Variants in IL1RAPL1 observed in about 807,000 individuals in gnomAD.
IL1RAPL1 encodes the protein interleukin 1 receptor accessory protein like 1.
IL1RAPL1 carries 3 observed loss-of-function variants against 48.4 expected under a neutral mutation model. The observed-to-expected ratio is 0.06, with a 90% CI of 0.03 to 0.16. The LOEUF (loss-of-function observed/expected upper bound fraction) is 0.16. Ranked by LOEUF, IL1RAPL1 falls within the 10% of genes least tolerant of loss-of-function variation. The pLI is 1.00. For missense variants in IL1RAPL1, 349 were observed against 530.6 expected, an observed-to-expected ratio of 0.66 and a Z score of 3.36; for synonymous variants, 185 against 187.7, an observed-to-expected ratio of 0.99 and a Z score of 0.12.
intron 2 of IL1RAPL1, among the ~76,000 whole-genome samples, chrX:29,200,790 C>G (rs970149701): frequency 2.7e-5 from 3 of 111,460 alleles, no homozygotes; most frequent in African/African-American, 9.8e-5. Context: ...AGTTTACAGG[C>G]CATGTATTAC....
intron 2 of IL1RAPL1, among the ~76,000 whole-genome samples, chrX:29,279,017 A>G (rs1386584725): frequency 8.9e-6 from 1 of 112,614 alleles, no homozygotes; most frequent in Admixed American, 9.4e-5. Flanking sequence ...TGTGAGAGAG[A>G]ACATGTGTGC....
At chrX:28,836,978 C>T (rs1043693510) in intron 2 of IL1RAPL1, among the ~76,000 whole-genome samples, 1 of 109,230 alleles carries the variant, frequency 9.2e-6, no homozygotes, top group African/African-American at 3.3e-5. Flanking sequence ...TGAAAAAAAA[C>T]GAGAGACCAA....
rs112874162 is a variant in IL1RAPL1 at position 29,617,945 on chromosome X, A to G, written c.704-50485A>G. 6.4e-3 allele frequency among the ~76,000 whole-genome samples: 719 copies of G among 111,738 alleles called. 3 individuals are homozygous for G. The highest frequency in any genetic ancestry group is 0.022 in the African/African-American group (675 of 30,742). On this transcript the variant is annotated intron_variant, in intron 5 of 10. Coordinates refer to ENST00000378993, the MANE Select transcript of IL1RAPL1 (RefSeq NM_014271.4). ...CTGCTGCTGGTTCAGCGGCACTGCA[A>G]ACTACAGATTATGCAAATTACATAA... is the stretch of plus-strand genomic sequence containing the variant.
chrX:28,962,882 A>ATGTGTGTG (rs56826606), intron 2 of IL1RAPL1, among the ~76,000 whole-genome samples: 18 of 96,010 alleles, frequency 1.9e-4, no homozygotes, highest in African/African-American at 6.4e-4. Context: ...GTCTGTGTGT[A>ATGTGTGTG]TGTGTGTGTG....
At chrX:29,517,403 A>G (rs183662575) in intron 5 of IL1RAPL1, among the ~76,000 whole-genome samples, 39 of 110,820 alleles carry the variant, frequency 3.5e-4, no homozygotes, top group African/African-American at 1.2e-3. Flanking sequence ...ATCGACCTAA[A>G]CATGCATAAA....
intron 2 of IL1RAPL1, among the ~76,000 whole-genome samples, chrX:29,251,937 A>G (rs1931626964): frequency 9.0e-6 from 1 of 111,234 alleles, no homozygotes; most frequent in South Asian, 3.7e-4. Context: ...ATGCAGCCAT[A>G]AAAACTGATG....
At chrX:29,230,521 A>AAAAAAAAAAAAAAAAAC (rs1931177524) in intron 2 of IL1RAPL1, among the ~76,000 whole-genome samples, 1 of 96,886 alleles carries the variant, frequency 1.0e-5, no homozygotes, top group African/African-American at 3.8e-5. Context: ...AAAAAAAAAA[A>AAAAAAAAAAAAAAAAAC]AAAAAAAAAA....
chrX:29,792,970 C>T (rs1256052018), intron 6 of IL1RAPL1, among the ~76,000 whole-genome samples: 2 of 111,459 alleles, frequency 1.8e-5, no homozygotes, highest in African/African-American at 3.3e-5. Context: ...TTAGATTGAC[C>T]CTTGCACAAT....
chrX:29,127,837 C>T (rs893325384), intron 2 of IL1RAPL1, among the ~76,000 whole-genome samples: 3 of 109,903 alleles, frequency 2.7e-5, no homozygotes, highest in African/African-American at 9.9e-5. Context: ...TGGTGGCGGG[C>T]GCCTGTAATC....
At chrX:29,471,696 A>G (rs1488613732) in intron 5 of IL1RAPL1, among the ~76,000 whole-genome samples, 5 of 111,230 alleles carry the variant, frequency 4.5e-5, no homozygotes, top group Non-Finnish European at 9.4e-5. Context: ...ATCCATTAGC[A>G]GTCACTCCTC....
At chrX:29,168,723 GTA>G (rs1270199941) in intron 2 of IL1RAPL1, among the ~76,000 whole-genome samples, 3 of 79,259 alleles carry the variant, frequency 3.8e-5, no homozygotes, top group African/African-American at 8.1e-5. Context: ...ATGTACAATT[GTA>G]TATATATATT....
intron 2 of IL1RAPL1, among the ~76,000 whole-genome samples, chrX:28,807,337 A>G (rs74390235): frequency 0.049 from 5,320 of 109,577 alleles, 175 homozygotes; most frequent in African/African-American, 0.12. Context: ...GTGATATTAA[A>G]TTCTGTTTCA....
At chrX:29,802,812 T>TGTATATAC (rs1929978480) in intron 6 of IL1RAPL1, among the ~76,000 whole-genome samples, 1 of 43,077 alleles carries the variant, frequency 2.3e-5, no homozygotes, top group African/African-American at 1.5e-4. Context: ...TATATATATG[T>TGTATATAC]GTGTATATAT....
intron 2 of IL1RAPL1, among the ~76,000 whole-genome samples, chrX:29,121,279 C>T (rs1050056568): frequency 8.9e-6 from 1 of 111,935 alleles, no homozygotes; most frequent in African/African-American, 3.2e-5. Flanking sequence ...GGTACAGATG[C>T]TCCTTGATTT....
At chrX:29,687,308 T>C (rs1287330411) in intron 6 of IL1RAPL1, among the ~76,000 whole-genome samples, 1 of 112,276 alleles carries the variant, frequency 8.9e-6, no homozygotes, top group Non-Finnish European at 1.9e-5. Context: ...CACAATGAAA[T>C]ACTATTCCAT....
chrX:29,438,519 A>T (rs1293359752), intron 5 of IL1RAPL1, among the ~76,000 whole-genome samples: 1 of 110,786 alleles, frequency 9.0e-6, no homozygotes, highest in East Asian at 2.8e-4. Flanking sequence ...AGCATTTAGT[A>T]CTGTAAAATT....
At chrX:29,629,931 C>A (rs916347050) in intron 5 of IL1RAPL1, among the ~76,000 whole-genome samples, 1 of 112,313 alleles carries the variant, frequency 8.9e-6, no homozygotes, top group African/African-American at 3.2e-5. Flanking sequence ...TTCATCAACA[C>A]TTAATGTATC....
chrX:29,491,878 A>G lies in IL1RAPL1; in HGVS notation c.703+92570A>G, dbSNP rs370343780. ...TTGTGGTCATAACCATGATCTTAAT[A>G]AGTCTACTTGACTAATAACTTTACT... On this transcript the variant is annotated intron_variant, in intron 5 of 10. Transcript: ENST00000378993. Among the ~76,000 whole-genome samples the G allele has an allele frequency of 7.2e-5, 8 of 111,477 alleles. No homozygotes were observed. The South Asian group carries it at 1.5e-3, about 21-fold the overall frequency.
At chrX:29,838,090 G>A (rs994673930) in intron 6 of IL1RAPL1, among the ~76,000 whole-genome samples, 19 of 111,397 alleles carry the variant, frequency 1.7e-4, no homozygotes, top group South Asian at 7.5e-4. Context: ...GGGAAGAAGC[G>A]TTCCTAAAGT....
Sources: allele counts gnomAD v4.1 joint callset (sites outside exome capture counted in the v4.1 genomes callset), GRCh38; gene constraint gnomAD v4.1.1; transcripts MANE v1.5; gene names NCBI Gene and HGNC (gene_info 2026-07-23, HGNC 2026-07-21).